The following CDKAL1 variants were observed in gnomAD, a reference collection of about 807,000 sequenced individuals.
CDKAL1 encodes the protein threonylcarbamoyladenosine tRNA methylthiotransferase.
CDKAL1 carries 32 observed loss-of-function variants against 68.2 expected under a neutral mutation model. That is an observed-to-expected ratio of 0.47 (90% CI 0.35 to 0.63). The LOEUF (loss-of-function observed/expected upper bound fraction) is 0.63. CDKAL1 is among the 30% of genes least tolerant of loss of function. CDKAL1 has a pLI of 0.00. For synonymous variants in CDKAL1, 234 were observed against 244.3 expected (o/e 0.96, Z 0.39); for missense variants, 606 against 696.7 (o/e 0.87, Z 1.47).
At position 20,913,533 on chromosome 6, in the gene CDKAL1, C is replaced by T. The variant is rs113474135; in HGVS notation, c.743-41886C>T. On this transcript the variant is annotated intron_variant, in intron 9 of 15. Coordinates refer to ENST00000274695, the MANE Select transcript of CDKAL1 (RefSeq NM_017774.3). ...GGTCCTGCCCCAGCTCTGTGGAAAA[C>T]ACACCCCACTTCTGCAGCCAACACA... Among the ~76,000 whole-genome samples, 244 of 152,332 alleles carry T rather than the reference C, an allele frequency of 1.6e-3. 1 individual carries two copies. The highest frequency in any genetic ancestry group is 5.4e-3 in the African/African-American group (224 of 41,568).
chr6:21,190,669 A>G (rs1196121552), intron 13 of CDKAL1, among the ~76,000 whole-genome samples: 1 of 152,184 alleles, frequency 6.6e-6, no homozygotes, highest in Non-Finnish European at 1.5e-5. Flanking sequence ...GCCCGGGCTG[A>G]TATGTGTTTT....
Position 20,710,668 on chromosome 6 carries a change from A to T in CDKAL1, c.372-28851A>T, listed in dbSNP as rs116610969. Among the ~76,000 whole-genome samples, 735 of 152,330 alleles carry T rather than the reference A, an allele frequency of 4.8e-3. 4 individuals are homozygous for T. The highest frequency in any genetic ancestry group is 0.017 in the African/African-American group (687 of 41,586). On this transcript the variant is annotated intron_variant, in intron 5 of 15. Transcript: ENST00000274695. ...TGAAATCTGTGGACTAGAAAAGTGG[A>T]GGAGATAACTAGGACATAGTGAAGC... is the stretch of plus-strand genomic sequence containing the variant.
rs199695161 is a variant in CDKAL1 at position 20,837,979 on chromosome 6, GTGTA to G, written c.639-8094_639-8091del. Among the ~76,000 whole-genome samples the G allele has an allele frequency of 8.3e-3, 1,237 of 148,782 alleles. 12 individuals carry two copies. Among genetic ancestry groups the G allele is most frequent in the African/African-American group, 0.029 (1,156 of 39,916 alleles). On this transcript the variant is annotated intron_variant, in intron 8 of 15. Coordinates refer to ENST00000274695, the MANE Select transcript of CDKAL1 (RefSeq NM_017774.3). Reference sequence around the variant, plus strand: ...TGTGTGTGTGTGTGTGTGTGTGTGTGTGTATACTTCTATGTATATGATTTTTATA... The same window carrying G: ...TGTGTGTGTGTGTGTGTGTGTGTGTGTACTTCTATGTATATGATTTTTATA...
chr6:20,760,108 A>G (rs992371668), intron 7 of CDKAL1, among the ~76,000 whole-genome samples: 3 of 151,828 alleles, frequency 2.0e-5, no homozygotes, highest in Admixed American at 2.0e-4. Flanking sequence ...ATGAGACTAT[A>G]CCTTAATCTT....
At position 21,082,876 on chromosome 6, in the gene CDKAL1, T is replaced by TG. The variant is rs1047077085; in HGVS notation, c.1236+17648_1236+17649insG. 4.9e-5 allele frequency among the ~76,000 whole-genome samples: 7 copies of TG among 144,174 alleles called. No homozygotes were observed. In the South Asian group the frequency reaches 6.4e-4, roughly 13 times the overall value. The allele number at this position is 144,174 out of a possible 152,430, so 94.6% of individuals were successfully genotyped here. A position where few individuals can be genotyped will look rare whatever the true frequency, so the allele number is the denominator to read the frequency against. ...TGAAATTCATTTATGTTTCTTTTGT[T>TG]TTTTTTTTTTTTTTTGAGACAGGGT... On this transcript the variant is annotated intron_variant, in intron 12 of 15. Coordinates refer to ENST00000274695, the MANE Select transcript of CDKAL1 (RefSeq NM_017774.3).
At chr6:20,839,959 C>T (rs923048880) in intron 8 of CDKAL1, among the ~76,000 whole-genome samples, 2 of 152,122 alleles carry the variant, frequency 1.3e-5, no homozygotes, top group Non-Finnish European at 2.9e-5. Context: ...GAAGATAATA[C>T]CTGTTCCTTA....
chr6:20,830,229 T>G (rs1205709099), intron 8 of CDKAL1, among the ~76,000 whole-genome samples: 1 of 152,132 alleles, frequency 6.6e-6, no homozygotes, highest in Non-Finnish European at 1.5e-5. Flanking sequence ...AACCTAAACT[T>G]TAGAATAACC....
At chr6:20,694,872 G>A (rs965682276) in intron 5 of CDKAL1, among the ~76,000 whole-genome samples, 3 of 152,064 alleles carry the variant, frequency 2.0e-5, no homozygotes, top group Non-Finnish European at 2.9e-5. Flanking sequence ...TGCTGTCTTA[G>A]TTCTGGAGAG....
chr6:21,019,666 C>T (rs1239472247), intron 11 of CDKAL1, among the ~76,000 whole-genome samples: 1 of 152,076 alleles, frequency 6.6e-6, no homozygotes, highest in Non-Finnish European at 1.5e-5. Flanking sequence ...TGATGACTGT[C>T]TTGTATGGTG....
chr6:21,122,620 T>TTTTA (rs80146010), intron 13 of CDKAL1, among the ~76,000 whole-genome samples: 2,230 of 149,020 alleles, frequency 0.015, 14 homozygotes, highest in Non-Finnish European at 0.022. Context: ...TGTTACTGTA[T>TTTTA]TTTATTTATT....
chr6:21,202,351 A>G (rs1778724632), intron 15 of CDKAL1, among the ~76,000 whole-genome samples: 1 of 152,176 alleles, frequency 6.6e-6, no homozygotes, highest in Admixed American at 6.5e-5. Context: ...ATCAGGAGAT[A>G]ACTCTAAAAC....
intron 13 of CDKAL1, among the ~76,000 whole-genome samples, chr6:21,155,449 C>T (rs1776599696): frequency 6.6e-6 from 1 of 152,122 alleles, no homozygotes; most frequent in African/African-American, 2.4e-5. Context: ...ATAGCCGTGA[C>T]AGGAAGGGGA....
In CDKAL1 at chr6:21,232,003, GTTTTTGTT is replaced by G. The variant is rs1779994486; in HGVS notation, c.*970_*977del. On this transcript the variant is annotated 3_prime_UTR_variant, in exon 16 of 16. Transcript: ENST00000274695. ...TTTGATCCATTGGGGTTTTTTTTTTGTTTTTGTTTTTTTTTTTTTTTGAGTCAAGGTCT... is the reference window on the plus strand; with the variant it reads ...TTTGATCCATTGGGGTTTTTTTTTTGTTTTTTTTTTTTTGAGTCAAGGTCT... 1.3e-5 allele frequency: 1 copy of G among 76,088 alleles called. No homozygotes were observed. The highest frequency in any genetic ancestry group is 3.1e-5 in the Non-Finnish European group (1 of 31,906). The allele number at this position is 76,088 out of a possible 1,614,324, so 4.7% of individuals were successfully genotyped here.
At chr6:20,737,828 A>G (rs940943384) in intron 5 of CDKAL1, among the ~76,000 whole-genome samples, 1 of 152,228 alleles carries the variant, frequency 6.6e-6, no homozygotes, top group African/African-American at 2.4e-5. Flanking sequence ...CTTAGAAGCT[A>G]TTGAAATGAA....
At chr6:20,708,229 A>C (rs1443815471) in intron 5 of CDKAL1, among the ~76,000 whole-genome samples, 5 of 152,238 alleles carry the variant, frequency 3.3e-5, no homozygotes, top group Non-Finnish European at 5.9e-5. Context: ...CTTGTTTGTT[A>C]GTACCTTGTC....
intron 5 of CDKAL1, among the ~76,000 whole-genome samples, chr6:20,730,905 T>TG (rs1377727625): frequency 6.6e-6 from 1 of 150,402 alleles, no homozygotes; most frequent in Non-Finnish European, 1.5e-5. Context: ...GTGGTGTTGC[T>TG]GTGGAGTATA....
intron 13 of CDKAL1, among the ~76,000 whole-genome samples, chr6:21,178,612 G>T (rs1357382613): frequency 6.6e-6 from 1 of 152,172 alleles, no homozygotes; most frequent in African/African-American, 2.4e-5. Context: ...TGCAGAACAG[G>T]TTAATTTGAT....
At chr6:21,210,832 C>T (rs1024735954) in intron 15 of CDKAL1, among the ~76,000 whole-genome samples, 14 of 152,038 alleles carry the variant, frequency 9.2e-5, no homozygotes, top group African/African-American at 2.9e-4. Flanking sequence ...GTTAGAAGGG[C>T]CAGGGACCAG....
At chr6:21,058,904 C>T (rs543615907) in intron 11 of CDKAL1, among the ~76,000 whole-genome samples, 1 of 152,310 alleles carries the variant, frequency 6.6e-6, no homozygotes, top group African/African-American at 2.4e-5. Flanking sequence ...GGATCGGAGA[C>T]CTGCTTAATG....
Sources: allele counts gnomAD v4.1 joint callset (sites outside exome capture counted in the v4.1 genomes callset), GRCh38; gene constraint gnomAD v4.1.1; transcripts MANE v1.5; gene names NCBI Gene and HGNC (gene_info 2026-07-23, HGNC 2026-07-21).